The following PLPPR1 variants were observed in gnomAD, a reference collection of about 807,000 sequenced individuals.
PLPPR1 encodes phospholipid phosphatase related 1, also known as phospholipid phosphatase-related protein type 1.
Under a neutral mutation model 33.1 loss-of-function variants are expected in PLPPR1, and 10 were observed. That is an observed-to-expected ratio of 0.30 (90% confidence interval 0.19 to 0.51). PLPPR1 has a LOEUF of 0.51. Ranked by LOEUF, PLPPR1 falls within the 20% of genes least tolerant of loss-of-function variation. The probability of loss-of-function intolerance (pLI) is 0.97; values close to 1 mark genes in which losing one functional copy is unlikely to be tolerated. For synonymous variants in PLPPR1, 151 were observed against 151.0 expected (o/e 1.00, Z 0.00); for missense variants, 304 against 408.1 (o/e 0.74, Z 2.20).
intron 2 of PLPPR1, among the ~76,000 whole-genome samples, chr9:101,210,037 G>A (rs955259021): frequency 1.3e-5 from 2 of 152,184 alleles, no homozygotes; most frequent in Admixed American, 1.3e-4. Context: ...TCCTTCAGAT[G>A]TAGGATTATT....
intron 1 of PLPPR1, among the ~76,000 whole-genome samples, chr9:101,161,274 C>T (rs989167826): frequency 2.0e-5 from 3 of 151,962 alleles, no homozygotes; most frequent in African/African-American, 7.3e-5. Flanking sequence ...CTCTAGGAAA[C>T]CAAAGATGAC....
chr9:101,296,527 T>C lies in PLPPR1; in HGVS notation c.385+10291T>C, dbSNP rs540174249. 3.3e-3 allele frequency among the ~76,000 whole-genome samples: 496 copies of C among 152,126 alleles called. 2 individuals are homozygous for C. The highest frequency in any genetic ancestry group is 2.8e-3 in the Non-Finnish European group (190 of 68,014). Reference sequence around the variant, plus strand: ...ATGTTTATTGCGGCACTATTCACAATAGCAAAGACTTGGAACCAACACAAA... The same window carrying C: ...ATGTTTATTGCGGCACTATTCACAACAGCAAAGACTTGGAACCAACACAAA... On this transcript the variant is annotated intron_variant, in intron 4 of 7. Transcript: ENST00000374874.
At chr9:101,089,232 T>A (rs1830713897) in intron 1 of PLPPR1, among the ~76,000 whole-genome samples, 1 of 152,118 alleles carries the variant, frequency 6.6e-6, no homozygotes, top group Admixed American at 6.5e-5. Context: ...ATTAAATAGA[T>A]GTTCAAAAAG....
intron 1 of PLPPR1, among the ~76,000 whole-genome samples, chr9:101,152,083 C>G (rs142018521): frequency 6.6e-6 from 1 of 152,116 alleles, no homozygotes; most frequent in Non-Finnish European, 1.5e-5. Flanking sequence ...TTTTAATGAT[C>G]GCCATTCTAA....
In PLPPR1 at chr9:101,295,519, G is replaced by A. The variant is rs1287568447; in HGVS notation, c.385+9283G>A. On this transcript the variant is annotated intron_variant, in intron 4 of 7. Coordinates refer to ENST00000374874, the MANE Select transcript of PLPPR1 (RefSeq NM_207299.2). ...TTCAATCCTAAGCCAAAAGAACAAA[G>A]CTGGAGGCATCACACTACCTGACTT... 2.6e-5 allele frequency among the ~76,000 whole-genome samples: 4 copies of A among 152,130 alleles called. No individual in the cohort carries two copies. The East Asian group carries it at 5.8e-4, about 22-fold the overall frequency.
chr9:101,259,013 A>G (rs2118877116), intron 2 of PLPPR1, among the ~76,000 whole-genome samples: 1 of 152,310 alleles, frequency 6.6e-6, no homozygotes, highest in East Asian at 1.9e-4. Context: ...AAAATTTTGT[A>G]GCCCAATTTA....
chr9:101,313,023 A>G, intron 6 of PLPPR1, 49 bp downstream of exon 6: 7 of 1,561,740 alleles, frequency 4.5e-6, no homozygotes, highest in Non-Finnish European at 6.2e-6. Context: ...CTACTCTCTG[A>G]AAAACTGTGA....
chr9:101,160,443 A>G lies in PLPPR1; in HGVS notation c.-45-25007A>G, dbSNP rs373257849. Among the ~76,000 whole-genome samples, 10 of 152,140 alleles carry G rather than the reference A, an allele frequency of 6.6e-5. No homozygotes were observed. The East Asian group carries it at 1.9e-3, about 29-fold the overall frequency. Reference sequence around the variant, plus strand: ...TTTCTTTGCTTTTGAGGCATTTGGCACTTTTATTATTCTTTGATCAAAATG... The same window carrying G: ...TTTCTTTGCTTTTGAGGCATTTGGCGCTTTTATTATTCTTTGATCAAAATG... On this transcript the variant is annotated intron_variant, in intron 1 of 7. Coordinates refer to ENST00000374874, the MANE Select transcript of PLPPR1 (RefSeq NM_207299.2).
chr9:101,253,323 G>A (rs899665182), intron 2 of PLPPR1, among the ~76,000 whole-genome samples: 3 of 151,840 alleles, frequency 2.0e-5, no homozygotes, highest in Non-Finnish European at 4.4e-5. Context: ...CGAGGCAGGC[G>A]GATCATTTGA....
chr9:101,043,671 T>C (rs1336409532), intron 1 of PLPPR1, among the ~76,000 whole-genome samples: 1 of 152,162 alleles, frequency 6.6e-6, no homozygotes, highest in Admixed American at 6.5e-5. Context: ...GTAGTGGGAT[T>C]GCTGGATCAA....
chr9:101,246,944 G>A (rs764264084), intron 2 of PLPPR1, among the ~76,000 whole-genome samples: 1 of 151,896 alleles, frequency 6.6e-6, no homozygotes, highest in Non-Finnish European at 1.5e-5. Context: ...TATTCTCCTG[G>A]CAGAGGTGCA....
intron 1 of PLPPR1, among the ~76,000 whole-genome samples, chr9:101,159,366 T>C (rs1359126346): frequency 6.6e-6 from 1 of 152,220 alleles, no homozygotes; most frequent in Non-Finnish European, 1.5e-5. Flanking sequence ...GTTTCCCTTC[T>C]GAATTTTTTT....
At chr9:101,168,942 A>G (rs754665598) in intron 1 of PLPPR1, among the ~76,000 whole-genome samples, 17 of 152,324 alleles carry the variant, frequency 1.1e-4, no homozygotes, top group South Asian at 4.1e-4. Context: ...CATAATGGCA[A>G]TGTAATAGGG....
intron 3 of PLPPR1, among the ~76,000 whole-genome samples, chr9:101,282,354 T>A (rs1238030437): frequency 4.6e-5 from 7 of 152,102 alleles, no homozygotes; most frequent in Admixed American, 4.6e-4. Context: ...TTGACAAAAT[T>A]CAATATCCTT....
At chr9:101,185,249 A>G in intron 1 of PLPPR1, 1 of 407,088 alleles carries the variant, frequency 2.5e-6, no homozygotes, top group South Asian at 7.6e-5. Flanking sequence ...CTGTAAAACT[A>G]TTCATGGCAA....
Position 101,109,463 on chromosome 9 carries a change from G to A in PLPPR1, c.-45-75987G>A, listed in dbSNP as rs200285517. Among the ~76,000 whole-genome samples the A allele has an allele frequency of 5.3e-5, 8 of 152,146 alleles. No individual in the cohort carries two copies. The East Asian group carries it at 7.7e-4, about 15-fold the overall frequency. ...CTTTTGACATTGCTCATCATGTTTC[G>A]TATATCTAAGATTGTGAGCTCTTAT... On this transcript the variant is annotated intron_variant, in intron 1 of 7. Transcript: ENST00000374874.
chr9:101,161,062 TTTTTGCCC>T lies in PLPPR1; in HGVS notation c.-45-24385_-45-24378del, dbSNP rs1831766634. Among the ~76,000 whole-genome samples the T allele has an allele frequency of 2.0e-5, 3 of 152,140 alleles. No individual in the cohort carries two copies. In the South Asian group the frequency reaches 6.2e-4, roughly 31 times the overall value. The stretch of plus-strand genomic sequence containing the variant: ...GATAATGTCATTTCATCAGCACAGT[TTTTTGCCC>T]TTGACCTATAAGAGATACAAGTGGG... On this transcript the variant is annotated intron_variant, in intron 1 of 7. Transcript: ENST00000374874.
At chr9:101,140,317 G>A (rs1771010497) in intron 1 of PLPPR1, among the ~76,000 whole-genome samples, 2 of 152,286 alleles carry the variant, frequency 1.3e-5, no homozygotes, top group South Asian at 4.1e-4. Flanking sequence ...TATTCATTCA[G>A]CAAATGTTTG....
intron 5 of PLPPR1, among the ~76,000 whole-genome samples, chr9:101,312,510 C>A (rs1828977242): frequency 6.6e-6 from 1 of 152,162 alleles, no homozygotes; most frequent in African/African-American, 2.4e-5. Context: ...TGTTCTGAAT[C>A]TAATCGTTAA....
Sources: gnomAD v4.1 joint callset for allele counts (sites outside exome capture counted in the v4.1 genomes callset) on GRCh38, gnomAD v4.1.1 for gene constraint, MANE v1.5 for transcripts, NCBI Gene and HGNC (gene_info 2026-07-23, HGNC 2026-07-21) for gene names.